Variants in UNC13C observed in about 807,000 individuals in gnomAD.
UNC13C encodes the protein protein unc-13 homolog C.
Under a neutral mutation model 245.4 loss-of-function variants are expected in UNC13C, and 174 were observed. The observed-to-expected ratio is 0.71, with a 90% confidence interval of 0.63 to 0.80. The LOEUF (loss-of-function observed/expected upper bound fraction) is 0.80, where lower values mean the gene tolerates loss of function less well. Among genes scored for constraint, UNC13C ranks in the 30% least tolerant of loss-of-function variants. The pLI is 0.00. For missense variants in UNC13C, 2,829 were observed against 2,602.9 expected (o/e 1.09, Z -1.89); for synonymous variants, 992 against 895.1 (o/e 1.11, Z -1.93).
At chr15:54,486,506 T>A (rs147192608) in intron 19 of UNC13C, among the ~76,000 whole-genome samples, 11 of 151,778 alleles carry the variant, frequency 7.2e-5, no homozygotes, top group African/African-American at 2.4e-4. Context: ...CATAGTAGAA[T>A]AGTCAATAAA....
intron 26 of UNC13C, among the ~76,000 whole-genome samples, chr15:54,541,422 C>G (rs1259542852): frequency 6.6e-6 from 1 of 152,042 alleles, no homozygotes; most frequent in African/African-American, 2.4e-5. Context: ...ATATATGACC[C>G]ATCTTTGGCT....
chr15:53,875,442 GC>G, the UNC13C span, among the ~76,000 whole-genome samples: 1 of 152,152 alleles, frequency 6.6e-6, no homozygotes, highest in African/African-American at 2.4e-5. Context: ...TAGCTTGCCT[GC>G]CTAGACTCTG....
At chr15:54,602,723 C>G (rs143369591) in intron 30 of UNC13C, among the ~76,000 whole-genome samples, 6,189 of 152,210 alleles carry the variant, frequency 0.041, 222 homozygotes, top group Admixed American at 0.12. Flanking sequence ...TTCCTCCATA[C>G]GTCTCATCAG....
At chr15:54,089,160 C>G (rs1899419121) in intron 2 of UNC13C, among the ~76,000 whole-genome samples, 1 of 152,168 alleles carries the variant, frequency 6.6e-6, no homozygotes, top group Non-Finnish European at 1.5e-5. Context: ...GGTTCAGGAA[C>G]CTGCCAGGTT....
intron 2 of UNC13C, among the ~76,000 whole-genome samples, chr15:54,088,528 A>G (rs916367482): frequency 1.2e-4 from 18 of 152,126 alleles, no homozygotes; most frequent in African/African-American, 4.3e-4. Context: ...TTTTTCACCA[A>G]GTCATTATTG....
At chr15:54,253,854 G>GA (rs1319434260) in intron 8 of UNC13C, among the ~76,000 whole-genome samples, 1 of 151,978 alleles carries the variant, frequency 6.6e-6, no homozygotes, top group Non-Finnish European at 1.5e-5. Context: ...ACAGAGATTG[G>GA]AAAAAAATGC....
upstream of UNC13C, among the ~76,000 whole-genome samples, chr15:53,973,570 C>G (rs1397022687): frequency 3.4e-5 from 5 of 146,816 alleles, no homozygotes; most frequent in African/African-American, 1.3e-4. Flanking sequence ...AATCAGTTTC[C>G]TGAATCAACA....
intron 2 of UNC13C, among the ~76,000 whole-genome samples, chr15:54,117,204 A>G (rs1052021216): frequency 3.3e-5 from 5 of 151,782 alleles, no homozygotes; most frequent in African/African-American, 1.2e-4. Flanking sequence ...GTTTGCAAAT[A>G]TTTTCTTCCA....
At chr15:54,307,940 G>A (rs1452648003) in intron 13 of UNC13C, among the ~76,000 whole-genome samples, 1 of 151,904 alleles carries the variant, frequency 6.6e-6, no homozygotes, top group Non-Finnish European at 1.5e-5. Context: ...ATTTGGGGGA[G>A]CAAGTGTGAT....
At chr15:54,226,675 C>T (rs773910773) in intron 4 of UNC13C, among the ~76,000 whole-genome samples, 58 of 152,310 alleles carry the variant, frequency 3.8e-4, no homozygotes, top group South Asian at 3.1e-3. Flanking sequence ...GGTCCAGCCA[C>T]GGTGTAAAAC....
chr15:53,965,698 C>T, the UNC13C span, among the ~76,000 whole-genome samples: 2 of 151,922 alleles, frequency 1.3e-5, no homozygotes, highest in African/African-American at 4.8e-5. Flanking sequence ...GTATATCTCC[C>T]AATGCTATCC....
chr15:54,263,434 A>AT (rs1165965723), intron 8 of UNC13C, among the ~76,000 whole-genome samples: 1 of 152,180 alleles, frequency 6.6e-6, no homozygotes, highest in African/African-American at 2.4e-5. Context: ...CAATAATGGA[A>AT]TTTTAGAAAT....
chr15:54,265,132 A>G (rs2036520578), intron 9 of UNC13C, among the ~76,000 whole-genome samples: 1 of 152,006 alleles, frequency 6.6e-6, no homozygotes, highest in African/African-American at 2.4e-5. Flanking sequence ...GTGTATGTAT[A>G]TAGCTACTTT....
chr15:54,408,118 A>T (rs573256340), intron 18 of UNC13C, among the ~76,000 whole-genome samples: 18 of 145,196 alleles, frequency 1.2e-4, no homozygotes, highest in African/African-American at 3.8e-4. Context: ...GGAGAGTGGC[A>T]TGAACCCGAG....
intron 26 of UNC13C, among the ~76,000 whole-genome samples, chr15:54,543,400 G>A (rs1596541678): frequency 2.2e-5 from 3 of 133,588 alleles, no homozygotes; most frequent in Admixed American, 1.4e-4. Flanking sequence ...AGAGAAGCAA[G>A]AAAAACAAAT....
chr15:54,483,070 A>G (rs908050816), intron 19 of UNC13C, among the ~76,000 whole-genome samples: 1 of 152,234 alleles, frequency 6.6e-6, no homozygotes, highest in African/African-American at 2.4e-5. Flanking sequence ...ATTTTCTAAT[A>G]TAGTGAATAC....
chr15:54,492,317 A>T (rs1008191065), intron 19 of UNC13C, among the ~76,000 whole-genome samples: 28 of 152,108 alleles, frequency 1.8e-4, no homozygotes, highest in African/African-American at 6.3e-4. Context: ...ATTTAAATGA[A>T]AACAAAATAC....
At chr15:54,063,342 G>C (rs1022502815) in intron 2 of UNC13C, among the ~76,000 whole-genome samples, 1 of 152,124 alleles carries the variant, frequency 6.6e-6, no homozygotes, top group African/African-American at 2.4e-5. Flanking sequence ...GTGGGGAAGG[G>C]GGCGATAGGC....
chr15:54,479,719 G>GT (rs60941471), intron 19 of UNC13C, among the ~76,000 whole-genome samples: 4,542 of 149,466 alleles, frequency 0.03, 175 homozygotes, highest in Admixed American at 0.12. Context: ...ATTCCTTTTA[G>GT]TTTTTTTTTC....
Sources: allele counts gnomAD v4.1 joint callset (sites outside exome capture counted in the v4.1 genomes callset), GRCh38; gene constraint gnomAD v4.1.1; transcripts MANE v1.5; gene names NCBI Gene and HGNC (gene_info 2026-07-23, HGNC 2026-07-21).